STAU2: variants seen among roughly 807,000 people sequenced by gnomAD.
The protein encoded by STAU2 is double-stranded RNA-binding protein Staufen homolog 2.
Under a neutral mutation model 65.9 loss-of-function variants are expected in STAU2, and 20 were observed. The observed-to-expected ratio is 0.30, with a 90% CI of 0.21 to 0.44. STAU2 has a LOEUF of 0.44. Ranked by LOEUF, STAU2 falls within the 20% of genes least tolerant of loss-of-function variation. The probability of loss-of-function intolerance (pLI) is 1.00; values close to 1 mark genes in which losing one functional copy is unlikely to be tolerated. For missense variants in STAU2, 558 were observed against 683.9 expected (o/e 0.82, Z 2.05); for synonymous variants, 232 against 233.9 (o/e 0.99, Z 0.07).
intron 13 of STAU2, among the ~76,000 whole-genome samples, chr8:73,479,685 C>T (rs956921428): frequency 8.3e-6 from 1 of 119,834 alleles, no homozygotes. Context: ...AGCAGGATAT[C>T]TTCCAACAAA....
intron 11 of STAU2, among the ~76,000 whole-genome samples, chr8:73,592,935 T>C (rs761324094): frequency 6.6e-6 from 1 of 152,232 alleles, no homozygotes; most frequent in Non-Finnish European, 1.5e-5. Context: ...GTCTTATTGA[T>C]AAATCAATAT....
At chr8:73,624,618 C>T (rs1163390164) in intron 6 of STAU2, among the ~76,000 whole-genome samples, 1 of 152,146 alleles carries the variant, frequency 6.6e-6, no homozygotes, top group South Asian at 2.1e-4. Flanking sequence ...CAGGGCCACC[C>T]GACTTGAGCT....
At chr8:73,486,631 A>T (rs932951445) in intron 13 of STAU2, among the ~76,000 whole-genome samples, 3 of 141,918 alleles carry the variant, frequency 2.1e-5, no homozygotes, top group Non-Finnish European at 4.5e-5. Flanking sequence ...ATATATACAC[A>T]TTTATAAGTA....
intron 6 of STAU2, among the ~76,000 whole-genome samples, chr8:73,619,659 A>C (rs2129909830): frequency 6.6e-6 from 1 of 152,336 alleles, no homozygotes; most frequent in Non-Finnish European, 1.5e-5. Flanking sequence ...GCAAGTGGAT[A>C]AGCACCTGGA....
intron 13 of STAU2, among the ~76,000 whole-genome samples, chr8:73,539,682 A>C (rs993209756): frequency 6.6e-6 from 1 of 152,006 alleles, no homozygotes; most frequent in Non-Finnish European, 1.5e-5. Flanking sequence ...ATCTCTACTA[A>C]CAATACAAAA....
intron 13 of STAU2, among the ~76,000 whole-genome samples, chr8:73,433,844 C>T (rs895598625): frequency 6.6e-6 from 1 of 151,802 alleles, no homozygotes; most frequent in Non-Finnish European, 1.5e-5. Context: ...CCCTTTGTCA[C>T]GGGGCTTACT....
chr8:73,737,563 T>TA (rs1806527560), intron 3 of STAU2, among the ~76,000 whole-genome samples: 1 of 142,516 alleles, frequency 7.0e-6, no homozygotes, highest in African/African-American at 2.7e-5. Context: ...TTTGTTTCTT[T>TA]CCTTTTTTTT....
chr8:73,470,913 T>A (rs568142197), intron 13 of STAU2, among the ~76,000 whole-genome samples: 31 of 152,184 alleles, frequency 2.0e-4, no homozygotes, highest in Non-Finnish European at 4.4e-4. Flanking sequence ...CACATAGGCA[T>A]GTTTCCTGCA....
chr8:73,536,564 TTG>T (rs1040884367), intron 13 of STAU2, among the ~76,000 whole-genome samples: 7 of 152,154 alleles, frequency 4.6e-5, no homozygotes, highest in African/African-American at 9.7e-5. Flanking sequence ...CTTGCTAAAG[TTG>T]TGACAGAGAA....
At chr8:73,516,790 C>T (rs1191393857) in intron 13 of STAU2, among the ~76,000 whole-genome samples, 1 of 152,098 alleles carries the variant, frequency 6.6e-6, no homozygotes, top group Non-Finnish European at 1.5e-5. Context: ...TAAAAGTGAC[C>T]TCCAGTGGGC....
chr8:73,425,990 AC>A (rs1816792359), intron 13 of STAU2, among the ~76,000 whole-genome samples: 1 of 152,118 alleles, frequency 6.6e-6, no homozygotes, highest in Non-Finnish European at 1.5e-5. Context: ...ACAGGGTTGC[AC>A]CATGTTGGCC....
At chr8:73,585,876 C>G (rs1279576878) in intron 11 of STAU2, among the ~76,000 whole-genome samples, 1 of 152,158 alleles carries the variant, frequency 6.6e-6, no homozygotes, top group South Asian at 2.1e-4. Context: ...CCTCATGTTG[C>G]TCTCTTGATG....
intron 3 of STAU2, among the ~76,000 whole-genome samples, chr8:73,715,826 A>G (rs970546698): frequency 6.6e-6 from 1 of 152,192 alleles, no homozygotes; most frequent in Non-Finnish European, 1.5e-5. Flanking sequence ...GAAAAGAGAA[A>G]GAGGTACAGA....
chr8:73,435,881 A>G (rs924094862), intron 13 of STAU2, among the ~76,000 whole-genome samples: 2 of 151,800 alleles, frequency 1.3e-5, no homozygotes, highest in Non-Finnish European at 2.9e-5. Context: ...GAGGGACCTG[A>G]GGGAAGCACC....
intron 6 of STAU2, chr8:73,653,789 C>G: frequency 3.0e-6 from 1 of 335,248 alleles, no homozygotes; most frequent in Admixed American, 4.4e-5. Flanking sequence ...CTTCATGACA[C>G]CTTTAGGAGT....
chr8:73,686,410 C>A (rs747873436), intron 5 of STAU2, among the ~76,000 whole-genome samples: 15 of 151,992 alleles, frequency 9.9e-5, no homozygotes, highest in Non-Finnish European at 1.5e-4. Flanking sequence ...ATTAGTCAGG[C>A]GTGGTGGCAC....
intron 13 of STAU2, among the ~76,000 whole-genome samples, chr8:73,501,983 A>T (rs185147871): frequency 5.2e-4 from 79 of 152,052 alleles, no homozygotes; most frequent in Non-Finnish European, 9.4e-4. Flanking sequence ...GTGCAGAACT[A>T]GGACACAGGA....
intron 11 of STAU2, among the ~76,000 whole-genome samples, chr8:73,588,320 G>A (rs1419143002): frequency 6.6e-6 from 1 of 152,212 alleles, no homozygotes; most frequent in Non-Finnish European, 1.5e-5. Context: ...TAAGTAAGAA[G>A]AAAGTAGATG....
intron 6 of STAU2, chr8:73,669,024 A>G: frequency 1.5e-6 from 1 of 685,136 alleles, no homozygotes; most frequent in Non-Finnish European, 2.6e-6. Context: ...TTAAGAAGCT[A>G]ATGATTAATC....
Sources: gnomAD v4.1 joint callset for allele counts (sites outside exome capture counted in the v4.1 genomes callset) on GRCh38, gnomAD v4.1.1 for gene constraint, MANE v1.5 for transcripts, NCBI Gene and HGNC (gene_info 2026-07-23, HGNC 2026-07-21) for gene names.